The following BAK1 variants were observed in gnomAD, a reference collection of about 807,000 sequenced individuals.
BAK1 encodes BCL2 antagonist/killer 1, also known as bcl-2 homologous antagonist/killer.
BAK1 carries 19 observed loss-of-function variants against 24.7 expected under a neutral mutation model. The observed-to-expected ratio is 0.77, with a 90% CI of 0.54 to 1.13. The LOEUF (loss-of-function observed/expected upper bound fraction) is 1.13. Among genes scored for constraint, BAK1 ranks in the 50% most tolerant of loss-of-function variants. The pLI is 0.00. For missense variants in BAK1, 194 were observed against 279.4 expected (o/e 0.69, Z 2.18); for synonymous variants, 86 against 107.3 (o/e 0.80, Z 1.23).
rs1451464284 is a variant in BAK1, at chr6:33,574,590, A to G, written c.351-376T>C. The G allele has an allele frequency of 2.3e-6, 3 of 1,288,050 alleles. No homozygotes were observed. In the Admixed American group the frequency reaches 6.8e-5, roughly 29 times the overall value. 79.8% of individuals were successfully genotyped at this position (1,288,050 alleles called of 1,614,324 possible). A position where few individuals can be genotyped will look rare whatever the true frequency, so the allele number is the denominator to read the frequency against. On this transcript the variant is annotated intron_variant, in intron 4 of 5. Transcript: ENST00000374467. The stretch of plus-strand genomic sequence containing the variant: ...AGATTAGGGTAGTTCCTGTCATCAC[A>G]GTGGTATGAAGGCTGGCCTCTAAGT...
rs1429028397 is a variant in BAK1, at chr6:33,573,818, T to C, written c.621A>G (p.Arg207=). The C allele has an allele frequency of 5.0e-6, 8 of 1,614,046 alleles. No individual in the cohort carries two copies. The highest frequency in any genetic ancestry group is 6.8e-6 in the Non-Finnish European group (8 of 1,179,868). The change falls in exon 6 of 6, where the codon AGA becomes AGG. Residue 207 remains arginine (R), a synonymous_variant. Transcript: ENST00000374467. ...CCCTTGGGAGTCATGATTTGAAGAA[T>C]CTTCGTACCACAAACTGGCCCAACA... The part of the protein sequence containing the change: ...VVLLGQFVVR[R]FFKS
At chr6:33,574,532 G>A in intron 4 of BAK1, 1 of 1,413,240 alleles carries the variant, frequency 7.1e-7, no homozygotes, top group South Asian at 1.2e-5. Flanking sequence ...TGGCCTGGCA[G>A]CCCGAGGGAC....
chr6:33,579,021 T>C (rs1307522715), intron 1 of BAK1, among the ~76,000 whole-genome samples: 1 of 152,080 alleles, frequency 6.6e-6, no homozygotes, highest in Non-Finnish European at 1.5e-5. Flanking sequence ...TCCCCACTCC[T>C]CCTCGATCTG....
rs531658995 is a variant in BAK1 at position 33,573,750 on chromosome 6, G to A, written c.*53C>T. 5.5e-6 allele frequency: 8 copies of A among 1,452,422 alleles called. No individual in the cohort carries two copies. The highest frequency in any genetic ancestry group is 2.3e-5 in the East Asian group (1 of 43,782). The allele number at this position is 1,452,422 out of a possible 1,614,324, so 90.0% of individuals were successfully genotyped here. A position where few individuals can be genotyped will look rare whatever the true frequency, so the allele number is the denominator to read the frequency against. On this transcript the variant is annotated 3_prime_UTR_variant, in exon 6 of 6. Coordinates refer to ENST00000374467, the MANE Select transcript of BAK1 (RefSeq NM_001188.4). ...AGGGAACAGAGAAGGCAAAGACTTC[G>A]CTTAAGTCCAGGCAGGGGTCTGAAC...
At position 33,575,397 on chromosome 6, in the gene BAK1, T is replaced by A; in HGVS notation, c.251A>T (p.Asp84Val). The A allele has an allele frequency of 6.2e-7, 1 of 1,614,168 alleles. No homozygotes were observed. The highest frequency in any genetic ancestry group is 8.5e-7 in the Non-Finnish European group (1 of 1,180,024). ...VGRQLAIIGDDINRRYDSEFQ... is the reference protein window; with the variant it reads ...VGRQLAIIGDVINRRYDSEFQ... ...CTCTGAGTCATAGCGTCGGTTGATG[T>A]CGTCCCCGATGATGGCGAGCTGCCG... Residue 84 changes from aspartate (D) to valine (V), a missense_variant, in exon 4 of 6, where the codon GAC (aspartate) becomes GTC (valine). Asp to Val is a radical substitution (Grantham distance 152, BLOSUM62 -3). Transcript: ENST00000374467. The surrounding 1 kb of genome is among the most constrained non-coding windows in gnomAD (Gnocchi z 6.3).
rs1473479636 is a variant in BAK1, at chr6:33,573,594, G to A, written c.*209C>T. The A allele has an allele frequency of 1.0e-5, 6 of 596,602 alleles. No homozygotes were observed. The highest frequency in any genetic ancestry group is 8.4e-5 in the South Asian group (4 of 47,794). 37.0% of individuals were successfully genotyped at this position (596,602 alleles called of 1,614,324 possible). ...GAGACGGCCACAGCCCCTGGGCCCA[G>A]AGAGAGGGCCCACTAGCACCATGCA... On this transcript the variant is annotated 3_prime_UTR_variant, in exon 6 of 6. Transcript: ENST00000374467.
chr6:33,576,331 CAAA>C (rs11462912), intron 2 of BAK1, among the ~76,000 whole-genome samples: 2 of 123,002 alleles, frequency 1.6e-5, no homozygotes, highest in Non-Finnish European at 3.3e-5. Context: ...AACTCTGTCT[CAAA>C]AAAAAAAAAA....
chr6:33,574,760 T>C (rs143214346), intron 4 of BAK1, among the ~76,000 whole-genome samples: 2 of 152,334 alleles, frequency 1.3e-5, no homozygotes, highest in Non-Finnish European at 2.9e-5. Context: ...AGGTGGACAC[T>C]AATCTAAGCA....
In BAK1 at chr6:33,578,859, TGGGCCAAGCACACAGCCCCACCCC is replaced by T. The variant is rs1175862064; in HGVS notation, c.-32+1142_-32+1165del. ...AGGGAGGGGGTGTGCAGCCCCACCCTGGGCCAAGCACACAGCCCCACCCCCACCGCCCAGGGCCTGGGGACCTTC... is the reference window on the plus strand; with the variant it reads ...AGGGAGGGGGTGTGCAGCCCCACCCTCACCGCCCAGGGCCTGGGGACCTTC... On this transcript the variant is annotated intron_variant, in intron 1 of 5. Transcript: ENST00000374467. The surrounding 1 kb of genome is among the most constrained non-coding windows in gnomAD (Gnocchi z 4.8). Among the ~76,000 whole-genome samples the T allele has an allele frequency of 6.6e-6, 1 of 152,086 alleles. No individual in the cohort carries two copies. Among genetic ancestry groups the T allele is most frequent in the Non-Finnish European group, 1.5e-5 (1 of 68,008 alleles).
In BAK1 at chr6:33,577,068, G is replaced by A. The variant is rs1462843646; in HGVS notation, c.70+467C>T. Among the ~76,000 whole-genome samples the A allele has an allele frequency of 6.6e-6, 1 of 152,236 alleles. No homozygotes were observed. Among genetic ancestry groups the A allele is most frequent in the Non-Finnish European group, 1.5e-5 (1 of 68,038 alleles). Reference sequence around the variant, plus strand: ...TCCAGGGAACAGCCCGCCGTGAGGTGTGAGCTGGGGCTTCCCTGGCTATCC... The same window carrying A: ...TCCAGGGAACAGCCCGCCGTGAGGTATGAGCTGGGGCTTCCCTGGCTATCC... On this transcript the variant is annotated intron_variant, in intron 2 of 5. Coordinates refer to ENST00000374467, the MANE Select transcript of BAK1 (RefSeq NM_001188.4). This position sits in a 1 kb window ranked among gnomAD's most constrained non-coding sequence, Gnocchi z 4.6.
chr6:33,573,934 G>A, intron 5 of BAK1, 27 bp from the exon 6 acceptor site: 1 of 1,614,094 alleles, frequency 6.2e-7, no homozygotes, highest in Non-Finnish European at 8.5e-7. Flanking sequence ...GGTGGTCACA[G>A]AGAGGCTAGC....
rs1348474095 is a variant in BAK1, at chr6:33,575,295, T to G, written c.350+3A>C. On this transcript the variant is annotated splice_donor_region_variant and intron_variant, in intron 4 of 5. Coordinates refer to ENST00000374467, the MANE Select transcript of BAK1 (RefSeq NM_001188.4). This position sits in a 1 kb window ranked among gnomAD's most constrained non-coding sequence, Gnocchi z 6.3. Reference sequence around the variant, plus strand: ...GGAGCTGGCAGGGAGGTGGCTGGGGTACCTGGTGGCAATCTTGGTGAAGTA... The same window carrying G: ...GGAGCTGGCAGGGAGGTGGCTGGGGGACCTGGTGGCAATCTTGGTGAAGTA... 6.2e-7 allele frequency: 1 copy of G among 1,613,962 alleles called. No homozygotes were observed. Among genetic ancestry groups the G allele is most frequent in the South Asian group, 1.1e-5 (1 of 91,052 alleles).
Position 33,578,237 on chromosome 6 carries a change from G to A in BAK1, c.-31-602C>T, listed in dbSNP as rs747622160. Among the ~76,000 whole-genome samples, 6 of 152,174 alleles carry A rather than the reference G, an allele frequency of 3.9e-5. No individual in the cohort carries two copies. The highest frequency in any genetic ancestry group is 7.3e-5 in the Non-Finnish European group (5 of 68,034). ...GTTTTTTAACTCTGGGCTGTTAGCC[G>A]CAAACATTTCCTGAGAGCCTAAGAT... On this transcript the variant is annotated intron_variant, in intron 1 of 5. Coordinates refer to ENST00000374467, the MANE Select transcript of BAK1 (RefSeq NM_001188.4). This position sits in a 1 kb window ranked among gnomAD's most constrained non-coding sequence, Gnocchi z 4.8.
rs754059376 is a variant in BAK1, at chr6:33,575,426, C to T, written c.222G>A (p.Val74=). 4.3e-6 allele frequency: 7 copies of T among 1,613,784 alleles called. No individual in the cohort carries two copies. The Admixed American group carries it at 5.0e-5, about 12-fold the overall frequency. ...CCCCGATGATGGCGAGCTGCCGTCCCACCTGCCCCATGGTGCTGTAGGAGC... is the reference window on the plus strand; with the variant it reads ...CCCCGATGATGGCGAGCTGCCGTCCTACCTGCCCCATGGTGCTGTAGGAGC... The part of the protein sequence containing the change: ...PLQPSSTMGQ[V]GRQLAIIGDD... Residue 74 remains valine, a synonymous_variant, in exon 4 of 6, where the codon GTG becomes GTA. Transcript: ENST00000374467. The surrounding 1 kb of genome is among the most constrained non-coding windows in gnomAD (Gnocchi z 6.3).
In BAK1 at chr6:33,573,668, C is replaced by G. The variant is rs1221288736; in HGVS notation, c.*135G>C. On this transcript the variant is annotated 3_prime_UTR_variant, in exon 6 of 6. Coordinates refer to ENST00000374467, the MANE Select transcript of BAK1 (RefSeq NM_001188.4). ...GACTGGCCCCCACGCAGGGGCCCTC[C>G]GAAGCTGGAGTGCACACTTGCTAAA... 2.9e-5 allele frequency: 22 copies of G among 754,836 alleles called. No homozygotes were observed. Among genetic ancestry groups the G allele is most frequent in the African/African-American group, 7.1e-5 (4 of 56,698 alleles). The allele number at this position is 754,836 out of a possible 1,614,324, so 46.8% of individuals were successfully genotyped here.
Position 33,575,542 on chromosome 6 carries a change from G to T in BAK1, c.207-101C>A, listed in dbSNP as rs918121246. 2.9e-5 allele frequency: 43 copies of T among 1,505,026 alleles called. 1 individual carries two copies. In the South Asian group the frequency reaches 4.9e-4, roughly 17 times the overall value. The allele number at this position is 1,505,026 out of a possible 1,614,324, so 93.2% of individuals were successfully genotyped here. On this transcript the variant is annotated intron_variant, in intron 3 of 5. Coordinates refer to ENST00000374467, the MANE Select transcript of BAK1 (RefSeq NM_001188.4). The surrounding 1 kb of genome is among the most constrained non-coding windows in gnomAD (Gnocchi z 6.3). ...TTCTGCCTGAGCTGTCCATGGCCCT[G>T]TGCATCCCTTCTTGGAGGTCCCTGA...
Position 33,575,556 on chromosome 6 carries a change from G to T in BAK1, c.207-115C>A. On this transcript the variant is annotated intron_variant, in intron 3 of 5. Transcript: ENST00000374467. This position sits in a 1 kb window ranked among gnomAD's most constrained non-coding sequence, Gnocchi z 6.3. ...TCCATGGCCCTGTGCATCCCTTCTT[G>T]GAGGTCCCTGACAGTGTTCTAAGAC... 2 of 1,433,838 alleles carry T rather than the reference G, an allele frequency of 1.4e-6. No individual in the cohort carries two copies. The highest frequency in any genetic ancestry group is 2.3e-5 in the East Asian group (1 of 42,690). 88.8% of individuals were successfully genotyped at this position (1,433,838 alleles called of 1,614,324 possible).
Position 33,575,137 on chromosome 6 carries a change from A to G in BAK1, c.350+161T>C, listed in dbSNP as rs1176301382. 1.5e-5 allele frequency: 17 copies of G among 1,109,576 alleles called. No homozygotes were observed. Among genetic ancestry groups the G allele is most frequent in the Non-Finnish European group, 2.3e-5 (17 of 743,114 alleles). The allele number at this position is 1,109,576 out of a possible 1,614,324, so 68.7% of individuals were successfully genotyped here. A position where few individuals can be genotyped will look rare whatever the true frequency, so the allele number is the denominator to read the frequency against. On this transcript the variant is annotated intron_variant, in intron 4 of 5. Coordinates refer to ENST00000374467, the MANE Select transcript of BAK1 (RefSeq NM_001188.4). This position sits in a 1 kb window ranked among gnomAD's most constrained non-coding sequence, Gnocchi z 6.3. The stretch of plus-strand genomic sequence containing the variant: ...AAATACAAGTCTGGGACCCCGAAAG[A>G]GAAAAATAGGGGGCCGAGACCACAT...
rs1345131190 is a variant in BAK1 at position 33,577,647 on chromosome 6, G to A, written c.-31-12C>T. ...AGGACGGGATCAGCCTGCGGGGAAG[G>A]GCGAGAAAAAGCAGAGATGGGGGTG... On this transcript the variant is annotated splice_polypyrimidine_tract_variant and intron_variant, in intron 1 of 5. Coordinates refer to ENST00000374467, the MANE Select transcript of BAK1 (RefSeq NM_001188.4). The surrounding 1 kb of genome is among the most constrained non-coding windows in gnomAD (Gnocchi z 4.6). The A allele has an allele frequency of 4.0e-6, 6 of 1,513,570 alleles. No individual in the cohort carries two copies. Among genetic ancestry groups the A allele is most frequent in the Middle Eastern group, 1.7e-4 (1 of 5,864 alleles). The allele number at this position is 1,513,570 out of a possible 1,614,324, so 93.8% of individuals were successfully genotyped here.
Sources: allele counts gnomAD v4.1 joint callset (sites outside exome capture counted in the v4.1 genomes callset), GRCh38; gene constraint gnomAD v4.1.1; non-coding constraint Gnocchi (gnomAD v3.1); transcripts MANE v1.5; gene names NCBI Gene and HGNC (gene_info 2026-07-23, HGNC 2026-07-21).